WDFY2: variants seen among roughly 807,000 people sequenced by gnomAD.
WDFY2 encodes the protein WD repeat and FYVE domain-containing protein 2.
Under a neutral mutation model 56.4 loss-of-function variants are expected in WDFY2, and 36 were observed. The observed-to-expected ratio is 0.64, with a 90% confidence interval of 0.49 to 0.84. The LOEUF (loss-of-function observed/expected upper bound fraction) is 0.84, where lower values mean the gene tolerates loss of function less well. Among genes scored for constraint, WDFY2 ranks in the 40% least tolerant of loss-of-function variants. WDFY2 has a pLI of 0.00. For missense variants in WDFY2, 444 were observed against 512.2 expected, an observed-to-expected ratio of 0.87 and a Z score of 1.29; for synonymous variants, 176 against 183.7, an observed-to-expected ratio of 0.96 and a Z score of 0.34.
chr13:51,709,040 C>G (rs984773684), intron 4 of WDFY2, among the ~76,000 whole-genome samples: 1 of 151,816 alleles, frequency 6.6e-6, no homozygotes, highest in Admixed American at 6.6e-5. Context: ...GAAATAGATA[C>G]AAGTTATAGA....
intron 2 of WDFY2, among the ~76,000 whole-genome samples, chr13:51,667,999 C>T (rs528098862): frequency 3.5e-5 from 5 of 142,874 alleles, no homozygotes; most frequent in Non-Finnish European, 7.5e-5. Flanking sequence ...TCACGCCGTT[C>T]TCCTGCCTCA....
At chr13:51,736,658 A>G (rs1177387836) in intron 6 of WDFY2, among the ~76,000 whole-genome samples, 2 of 152,078 alleles carry the variant, frequency 1.3e-5, no homozygotes, top group African/African-American at 4.8e-5. Context: ...ACGCCCAGCT[A>G]ATTTTTGTAT....
chr13:51,619,022 T>G (rs1029902999), intron 1 of WDFY2, among the ~76,000 whole-genome samples: 2 of 152,226 alleles, frequency 1.3e-5, no homozygotes, highest in Non-Finnish European at 2.9e-5. Context: ...GCTATTACTC[T>G]AATGGTGAGC....
intron 3 of WDFY2, among the ~76,000 whole-genome samples, chr13:51,698,113 T>G (rs1951913849): frequency 2.6e-5 from 4 of 152,210 alleles, no homozygotes; most frequent in Non-Finnish European, 5.9e-5. Context: ...AGTATGTGTT[T>G]TAGCTCGGAT....
At position 51,755,245 on chromosome 13, in the gene WDFY2, CCT is replaced by C. The variant is rs1199901141; in HGVS notation, c.832-110_832-109del. The C allele has an allele frequency of 1.1e-5, 11 of 963,722 alleles. No individual in the cohort carries two copies. The Admixed American group carries it at 2.4e-4, about 21-fold the overall frequency. 59.7% of individuals were successfully genotyped at this position (963,722 alleles called of 1,614,324 possible). A position where few individuals can be genotyped will look rare whatever the true frequency, so the allele number is the denominator to read the frequency against. On this transcript the variant is annotated intron_variant, in intron 8 of 11. Transcript: ENST00000298125. ...TTGAATGATTGACTGAGAAATCACA[CCT>C]CTGTTTCTTTTAAACACATCCTGAT... is the stretch of plus-strand genomic sequence containing the variant.
intron 3 of WDFY2, among the ~76,000 whole-genome samples, chr13:51,693,277 G>T (rs1420309782): frequency 6.6e-6 from 1 of 151,696 alleles, no homozygotes; most frequent in Non-Finnish European, 1.5e-5. Flanking sequence ...GTGATGTTAG[G>T]GTGTCAATTT....
chr13:51,727,726 A>G lies in WDFY2; in HGVS notation c.534A>G (p.Gln178=). The G allele has an allele frequency of 6.2e-7, 1 of 1,614,214 alleles. No homozygotes were observed. Among genetic ancestry groups the G allele is most frequent in the Non-Finnish European group, 8.5e-7 (1 of 1,180,042 alleles). The change falls in exon 6 of 12, where the codon CAA becomes CAG. Residue 178 remains glutamine (Q), a synonymous_variant. Coordinates refer to ENST00000298125, the MANE Select transcript of WDFY2 (RefSeq NM_052950.4). ...RHVFIGDHSG[Q]VTILKLEQEN... ...TGTTTATCGGTGACCACTCAGGCCA[A>G]GTAACAATCCTCAAACTGGAGCAAG...
chr13:51,682,558 A>G (rs1955997061), intron 3 of WDFY2, among the ~76,000 whole-genome samples: 2 of 152,202 alleles, frequency 1.3e-5, no homozygotes, highest in African/African-American at 4.8e-5. Flanking sequence ...AAGCCCTGGT[A>G]TCAGACTGCC....
At chr13:51,590,202 A>T (rs146203407) in intron 1 of WDFY2, 41 of 152,248 alleles carry the variant, frequency 2.7e-4, no homozygotes, top group African/African-American at 9.4e-4. Context: ...CAATTCTGAC[A>T]CTCTTAAAAT....
chr13:51,722,333 T>A (rs1952509720), intron 5 of WDFY2, among the ~76,000 whole-genome samples: 1 of 151,998 alleles, frequency 6.6e-6, no homozygotes, highest in South Asian at 2.1e-4. Context: ...TAACCAAAAT[T>A]CAAGTAGAAA....
chr13:51,756,689 A>T, intron 10 of WDFY2: 14 of 972,940 alleles, frequency 1.4e-5, no homozygotes, highest in Non-Finnish European at 1.7e-5. Flanking sequence ...TGTTCTTTCT[A>T]ATTTCTAGGT....
At chr13:51,693,880 A>G (rs1418305722) in intron 3 of WDFY2, among the ~76,000 whole-genome samples, 8 of 152,040 alleles carry the variant, frequency 5.3e-5, no homozygotes, top group African/African-American at 1.9e-4. Context: ...TATTGGGTGC[A>G]TATATATTTA....
At chr13:51,616,703 T>A (rs1954622412) in intron 1 of WDFY2, among the ~76,000 whole-genome samples, 1 of 152,214 alleles carries the variant, frequency 6.6e-6, no homozygotes, top group Non-Finnish European at 1.5e-5. Flanking sequence ...TCATCAAAGT[T>A]AGTCGCATGG....
rs772008456 is a variant in WDFY2, at chr13:51,766,474, A to C, written c.*6705A>C. ...GATTCTTCAGGGGGTCAGGCTGAGAATGTAATAAGCCTGACATTGGAACAG... is the reference window on the plus strand; with the variant it reads ...GATTCTTCAGGGGGTCAGGCTGAGACTGTAATAAGCCTGACATTGGAACAG... On this transcript the variant is annotated 3_prime_UTR_variant, in exon 12 of 12. Transcript: ENST00000298125. The C allele has an allele frequency of 2.6e-5, 4 of 152,140 alleles. No homozygotes were observed. The highest frequency in any genetic ancestry group is 7.2e-5 in the African/African-American group (3 of 41,418). 9.4% of individuals were successfully genotyped at this position (152,140 alleles called of 1,614,324 possible).
At chr13:51,620,829 C>T (rs1954711468) in intron 1 of WDFY2, among the ~76,000 whole-genome samples, 1 of 152,156 alleles carries the variant, frequency 6.6e-6, no homozygotes, top group South Asian at 2.1e-4. Flanking sequence ...ATTTCTCTCA[C>T]CCGGTCAGCA....
At chr13:51,628,624 G>A (rs1292266015) in intron 1 of WDFY2, among the ~76,000 whole-genome samples, 2 of 152,200 alleles carry the variant, frequency 1.3e-5, no homozygotes, top group Non-Finnish European at 2.9e-5. Context: ...CCCCCCTGCT[G>A]CAGCCGGCCT....
At chr13:51,755,973 C>A (rs1055472170) in intron 9 of WDFY2, among the ~76,000 whole-genome samples, 4 of 152,076 alleles carry the variant, frequency 2.6e-5, no homozygotes, top group Non-Finnish European at 5.9e-5. Context: ...TGTTCTCCTT[C>A]ATCCAGCAGC....
intron 6 of WDFY2, among the ~76,000 whole-genome samples, chr13:51,732,339 C>T (rs1350093122): frequency 6.6e-6 from 1 of 152,102 alleles, no homozygotes; most frequent in African/African-American, 2.4e-5. Flanking sequence ...CCATGTTGGC[C>T]AGGCTCCTGA....
chr13:51,667,450 C>T (rs1785175632), intron 2 of WDFY2, among the ~76,000 whole-genome samples: 1 of 152,120 alleles, frequency 6.6e-6, no homozygotes, highest in African/African-American at 2.4e-5. Flanking sequence ...GGTGTTTGTG[C>T]TTATTCCACC....
Sources: allele counts gnomAD v4.1 joint callset (sites outside exome capture counted in the v4.1 genomes callset), GRCh38; gene constraint gnomAD v4.1.1; transcripts MANE v1.5; gene names NCBI Gene and HGNC (gene_info 2026-07-23, HGNC 2026-07-21).